ZFYVE28: variants seen among roughly 807,000 people sequenced by gnomAD.
ZFYVE28 encodes the protein zinc finger FYVE-type containing 28, also known as lateral signaling target protein 2 homolog.
ZFYVE28 carries 40 observed loss-of-function variants against 82.1 expected under a neutral mutation model. The observed-to-expected ratio is 0.49, with a 90% CI of 0.38 to 0.63. ZFYVE28 has a LOEUF of 0.63. Among genes scored for constraint, ZFYVE28 ranks in the 30% least tolerant of loss-of-function variants. The pLI, the probability that ZFYVE28 is intolerant of heterozygous loss-of-function variation, is 0.00. For missense variants in ZFYVE28, 1,321 were observed against 1,242.1 expected (o/e 1.06, Z -0.96); for synonymous variants, 612 against 546.1 (o/e 1.12, Z -1.68).
chr4:2,330,693 C>G, intron 6 of ZFYVE28: 1 of 1,444,636 alleles, frequency 6.9e-7, no homozygotes, highest in African/African-American at 1.4e-5. Context: ...CAAGAGGACA[C>G]TGGAGCAGAG....
chr4:2,418,357 C>G lies in ZFYVE28; in HGVS notation c.-34G>C. On this transcript the variant is annotated 5_prime_UTR_variant, in exon 1 of 13. Transcript: ENST00000290974. This position sits in a 1 kb window ranked among gnomAD's most constrained non-coding sequence, Gnocchi z 4.6. Reference sequence around the variant, plus strand: ...CGGCCCTGGCCGGACTCCGGGCGGCCCTCGCCCTCCGCAGCGCTGCGCCCG... The same window carrying G: ...CGGCCCTGGCCGGACTCCGGGCGGCGCTCGCCCTCCGCAGCGCTGCGCCCG... The G allele has an allele frequency of 6.8e-7, 1 of 1,460,896 alleles. No individual in the cohort carries two copies. Among genetic ancestry groups the G allele is most frequent in the East Asian group, 3.1e-5 (1 of 32,116 alleles). 90.5% of individuals were successfully genotyped at this position (1,460,896 alleles called of 1,614,324 possible). A position where few individuals can be genotyped will look rare whatever the true frequency, so the allele number is the denominator to read the frequency against.
At chr4:2,355,766 G>T (rs922941768) in intron 1 of ZFYVE28, among the ~76,000 whole-genome samples, 2 of 152,138 alleles carry the variant, frequency 1.3e-5, no homozygotes, top group African/African-American at 4.8e-5. Context: ...TTCTAGAGAT[G>T]GGGTCTCCCT....
intron 10 of ZFYVE28, 54 bp downstream of exon 10, chr4:2,273,119 C>A (rs1577844977): frequency 1.4e-6 from 2 of 1,442,320 alleles, no homozygotes; most frequent in South Asian, 1.2e-5. Context: ...TCCCTGTGGG[C>A]AGGGACACGG....
chr4:2,278,838 C>T (rs1711530229), intron 8 of ZFYVE28, among the ~76,000 whole-genome samples: 1 of 150,474 alleles, frequency 6.6e-6, no homozygotes, highest in Middle Eastern at 3.2e-3. Flanking sequence ...CTAATAAACA[C>T]ATGAACAGAT....
intron 8 of ZFYVE28, among the ~76,000 whole-genome samples, chr4:2,279,536 T>C (rs933211339): frequency 1.3e-5 from 2 of 151,930 alleles, no homozygotes; most frequent in Non-Finnish European, 2.9e-5. Flanking sequence ...TCCCAGCACT[T>C]TGGGAGGCCA....
rs10030569 is a variant in ZFYVE28 at position 2,320,838 on chromosome 4, C to T, written c.702-567G>A. Among the ~76,000 whole-genome samples the T allele has an allele frequency of 0.075, 11,382 of 152,202 alleles. 516 individuals carry two copies. The highest frequency in any genetic ancestry group is 0.12 in the African/African-American group (4,986 of 41,498). On this transcript the variant is annotated intron_variant, in intron 6 of 12. Coordinates refer to ENST00000290974, the MANE Select transcript of ZFYVE28 (RefSeq NM_020972.3). The surrounding 1 kb of genome is among the most constrained non-coding windows in gnomAD (Gnocchi z 5.1). ...CTCCCTTGTGGTGCCCACCATGCCC[C>T]GAGAAGCTCCCCTCCCCAGGACTGG...
At position 2,372,328 on chromosome 4, in the gene ZFYVE28, ACAGCCCTACGCTGCCTCCC is replaced by A. The variant is rs1275770726; in HGVS notation, c.40-18274_40-18256del. On this transcript the variant is annotated intron_variant, in intron 1 of 12. Coordinates refer to ENST00000290974, the MANE Select transcript of ZFYVE28 (RefSeq NM_020972.3). This position sits in a 1 kb window ranked among gnomAD's most constrained non-coding sequence, Gnocchi z 5.2. ...CACAGGAACACAGAGGCGTGTCTTC[ACAGCCCTACGCTGCCTCCC>A]CAGCCCTTCCATCGCCGCCTCCTGC... 6.6e-6 allele frequency among the ~76,000 whole-genome samples: 1 copy of A among 151,944 alleles called. No homozygotes were observed. Among genetic ancestry groups the A allele is most frequent in the Non-Finnish European group, 1.5e-5 (1 of 67,940 alleles).
intron 7 of ZFYVE28, among the ~76,000 whole-genome samples, chr4:2,309,808 G>C (rs1717222712): frequency 6.6e-6 from 1 of 152,134 alleles, no homozygotes; most frequent in South Asian, 2.1e-4. Context: ...TCTGTGACCA[G>C]GTTAAGGAAA....
At chr4:2,293,569 C>T (rs1007042665) in intron 8 of ZFYVE28, among the ~76,000 whole-genome samples, 5 of 151,800 alleles carry the variant, frequency 3.3e-5, no homozygotes, top group Admixed American at 1.3e-4. Context: ...CTGGCTAACA[C>T]GGTGAAACCC....
intron 4 of ZFYVE28, among the ~76,000 whole-genome samples, chr4:2,338,276 A>C (rs1436204067): frequency 6.6e-6 from 1 of 152,206 alleles, no homozygotes; most frequent in Non-Finnish European, 1.5e-5. Flanking sequence ...AGATGAGAGC[A>C]CTTTCTTTCC....
intron 7 of ZFYVE28, among the ~76,000 whole-genome samples, chr4:2,315,519 C>T (rs1219855266): frequency 1.3e-5 from 2 of 151,780 alleles, no homozygotes; most frequent in Non-Finnish European, 2.9e-5. Context: ...GTGATCCTCC[C>T]GCTTCAGCCT....
At chr4:2,399,073 C>G (rs1275417791) in intron 1 of ZFYVE28, among the ~76,000 whole-genome samples, 1 of 118,294 alleles carries the variant, frequency 8.5e-6, no homozygotes, top group Admixed American at 1.0e-4. Flanking sequence ...AGATCCAGGG[C>G]ACAAGCGTGA....
chr4:2,362,108 C>G lies in ZFYVE28; in HGVS notation c.40-8035G>C, dbSNP rs1560283531. 6.6e-6 allele frequency among the ~76,000 whole-genome samples: 1 copy of G among 152,160 alleles called. No homozygotes were observed. The highest frequency in any genetic ancestry group is 6.5e-5 in the Admixed American group (1 of 15,278). On this transcript the variant is annotated intron_variant, in intron 1 of 12. Coordinates refer to ENST00000290974, the MANE Select transcript of ZFYVE28 (RefSeq NM_020972.3). This position sits in a 1 kb window ranked among gnomAD's most constrained non-coding sequence, Gnocchi z 5.1. ...ACCCCAGGCAGCCAGCTCCCTACCCCTACAGCCCCCACACTCAGCCGTGGA... is the reference window on the plus strand; with the variant it reads ...ACCCCAGGCAGCCAGCTCCCTACCCGTACAGCCCCCACACTCAGCCGTGGA...
chr4:2,300,433 C>T lies in ZFYVE28; in HGVS notation c.2051+3856G>A, dbSNP rs544994666. On this transcript the variant is annotated intron_variant, in intron 8 of 12. Coordinates refer to ENST00000290974, the MANE Select transcript of ZFYVE28 (RefSeq NM_020972.3). The surrounding 1 kb of genome is among the most constrained non-coding windows in gnomAD (Gnocchi z 4.6). ...CAGTAAAATGAAAAGAGCTGAAGGGCGTAGGTTCCAGAACATTCACATCTG... is the reference window on the plus strand; with the variant it reads ...CAGTAAAATGAAAAGAGCTGAAGGGTGTAGGTTCCAGAACATTCACATCTG... 3.3e-5 allele frequency among the ~76,000 whole-genome samples: 5 copies of T among 152,250 alleles called. No homozygotes were observed. The East Asian group carries it at 5.8e-4, about 18-fold the overall frequency.
intron 1 of ZFYVE28, among the ~76,000 whole-genome samples, chr4:2,366,026 GT>G (rs1279533222): frequency 6.6e-6 from 1 of 152,040 alleles, no homozygotes; most frequent in Non-Finnish European, 1.5e-5. Flanking sequence ...CGGCCTCACT[GT>G]GAACTCAGGT....
chr4:2,297,494 C>T (rs1006350840), intron 8 of ZFYVE28, among the ~76,000 whole-genome samples: 14 of 152,272 alleles, frequency 9.2e-5, no homozygotes, highest in Middle Eastern at 3.4e-3. Flanking sequence ...TGTCCGGGAG[C>T]GAGGTCATGA....
intron 1 of ZFYVE28, among the ~76,000 whole-genome samples, chr4:2,367,246 A>G (rs1284395175): frequency 6.6e-6 from 1 of 152,280 alleles, no homozygotes; most frequent in Non-Finnish European, 1.5e-5. Flanking sequence ...TGAACTCCAC[A>G]GGTTTAAAGA....
intron 5 of ZFYVE28, 85 bp downstream of exon 5, chr4:2,337,322 C>T: frequency 8.0e-7 from 1 of 1,256,898 alleles, no homozygotes; most frequent in Non-Finnish European, 1.1e-6. Context: ...GCAGGTTCCC[C>T]CAGAGCTGCC....
intron 7 of ZFYVE28, among the ~76,000 whole-genome samples, chr4:2,308,674 AAAGAGAAAG>A (rs1560182353): frequency 0.01 from 1,113 of 107,822 alleles, 9 homozygotes; most frequent in Middle Eastern, 0.021. Context: ...AGAAAGAAAG[AAAGAGAAAG>A]AAAGAAAAGA....
Sources: allele counts gnomAD v4.1 joint callset (sites outside exome capture counted in the v4.1 genomes callset), GRCh38; gene constraint gnomAD v4.1.1; non-coding constraint Gnocchi (gnomAD v3.1); transcripts MANE v1.5; gene names NCBI Gene and HGNC (gene_info 2026-07-23, HGNC 2026-07-21).